CNTNAP2: variants seen among roughly 807,000 people sequenced by gnomAD.
CNTNAP2 encodes the protein contactin associated protein 2.
CNTNAP2 carries 98 observed loss-of-function variants against 155.2 expected under a neutral mutation model. That is an observed-to-expected ratio of 0.63 (90% CI 0.54 to 0.75). The LOEUF (loss-of-function observed/expected upper bound fraction) is 0.75, where lower values mean the gene tolerates loss of function less well. Among genes scored for constraint, CNTNAP2 ranks in the 30% least tolerant of loss-of-function variants. The pLI, the probability that CNTNAP2 is intolerant of heterozygous loss-of-function variation, is 0.00. For synonymous variants in CNTNAP2, 651 were observed against 631.2 expected (o/e 1.03, Z -0.47); for missense variants, 1,727 against 1,688.1 (o/e 1.02, Z -0.40).
Position 148,330,758 on chromosome 7 carries a change from G to A in CNTNAP2, c.3476-52891G>A, listed in dbSNP as rs375649069. ...GGATGGATGGATGGATGGAGTGGAC[G>A]GATGGAATGGACAGATGGAGTTGAT... On this transcript the variant is annotated intron_variant, in intron 21 of 23. Transcript: ENST00000361727. 1.0e-3 allele frequency among the ~76,000 whole-genome samples: 152 copies of A among 149,018 alleles called. 1 individual carries two copies. The East Asian group carries it at 0.013, about 13-fold the overall frequency.
intron 1 of CNTNAP2, among the ~76,000 whole-genome samples, chr7:146,670,901 A>G (rs920732690): frequency 4.6e-5 from 7 of 152,178 alleles, no homozygotes; most frequent in African/African-American, 1.4e-4. Flanking sequence ...TTCATGTACA[A>G]GAGTTTTGAG....
chr7:148,261,692 G>A (rs955574670), intron 20 of CNTNAP2, among the ~76,000 whole-genome samples: 7 of 152,168 alleles, frequency 4.6e-5, no homozygotes, highest in Non-Finnish European at 8.8e-5. Context: ...AGCAATGGCG[G>A]TGGGGGTGAG....
At chr7:146,199,736 G>T (rs563103730) in intron 1 of CNTNAP2, among the ~76,000 whole-genome samples, 1 of 152,218 alleles carries the variant, frequency 6.6e-6, no homozygotes, top group East Asian at 1.9e-4. Flanking sequence ...AGAGAGGGTA[G>T]AAGGAAAAAA....
intron 10 of CNTNAP2, among the ~76,000 whole-genome samples, chr7:147,466,472 G>A (rs1213722299): frequency 2.0e-5 from 3 of 152,172 alleles, no homozygotes; most frequent in Non-Finnish European, 4.4e-5. Context: ...CTTTGGGGAA[G>A]AGGGATTCTA....
intron 1 of CNTNAP2, among the ~76,000 whole-genome samples, chr7:146,579,204 A>T (rs547876523): frequency 1.1e-3 from 162 of 151,860 alleles, no homozygotes; most frequent in Admixed American, 5.0e-3. Flanking sequence ...TTCCCTCTCA[A>T]TTTTTTTTGT....
At chr7:146,856,227 A>G (rs1794979531) in intron 3 of CNTNAP2, among the ~76,000 whole-genome samples, 1 of 151,976 alleles carries the variant, frequency 6.6e-6, no homozygotes, top group South Asian at 2.1e-4. Context: ...GATGATAGGT[A>G]GGTAGGTAGA....
At chr7:147,034,756 C>T (rs1799114990) in intron 3 of CNTNAP2, among the ~76,000 whole-genome samples, 1 of 152,034 alleles carries the variant, frequency 6.6e-6, no homozygotes, top group Non-Finnish European at 1.5e-5. Context: ...CACCCAGCTG[C>T]CAGACTCTCC....
At chr7:146,324,340 T>G (rs115257207) in intron 1 of CNTNAP2, among the ~76,000 whole-genome samples, 5,197 of 151,718 alleles carry the variant, frequency 0.034, 156 homozygotes, top group African/African-American at 0.079. Context: ...GTAGGGAGAG[T>G]TATCATGGGG....
chr7:147,528,344 C>A (rs73461152), intron 11 of CNTNAP2, among the ~76,000 whole-genome samples: 1 of 152,078 alleles, frequency 6.6e-6, no homozygotes, highest in Admixed American at 6.5e-5. Flanking sequence ...ATTCTCTGTG[C>A]GAAGGCCACA....
rs1801285072 is a variant in CNTNAP2, at chr7:147,128,607, A to T, written c.940-86A>T. 6 of 1,473,504 alleles carry T rather than the reference A, an allele frequency of 4.1e-6. No homozygotes were observed. In the Admixed American group the frequency reaches 6.8e-5, roughly 17 times the overall value. 91.3% of individuals were successfully genotyped at this position (1,473,504 alleles called of 1,614,324 possible). A position where few individuals can be genotyped will look rare whatever the true frequency, so the allele number is the denominator to read the frequency against. On this transcript the variant is annotated intron_variant, in intron 6 of 23. Transcript: ENST00000361727. ...TTTGTATATTTTGGTTGAGGTATAG[A>T]TACTTGACCTTCACTGTATTCATAG...
At chr7:146,721,891 T>TATATATATATATATATATATA (rs1202931748) in intron 1 of CNTNAP2, among the ~76,000 whole-genome samples, 2 of 80,338 alleles carry the variant, frequency 2.5e-5, no homozygotes, top group Non-Finnish European at 3.9e-5. Flanking sequence ...ATATATATAT[T>TATATATATATATATATATATA]TTTTTTTTTT....
chr7:147,653,640 G>A (rs770507888), intron 13 of CNTNAP2, among the ~76,000 whole-genome samples: 5 of 152,174 alleles, frequency 3.3e-5, no homozygotes, highest in African/African-American at 4.8e-5. Flanking sequence ...CAGAAAGGAG[G>A]GCACTGGGTG....
chr7:147,315,545 G>T (rs1433285415), intron 9 of CNTNAP2, among the ~76,000 whole-genome samples: 2 of 143,984 alleles, frequency 1.4e-5, no homozygotes, highest in Non-Finnish European at 3.0e-5. Context: ...GCAGTGGCAT[G>T]ATCTCGGCTC....
intron 13 of CNTNAP2, among the ~76,000 whole-genome samples, chr7:147,702,457 G>A (rs1181763899): frequency 6.6e-6 from 1 of 151,804 alleles, no homozygotes; most frequent in African/African-American, 2.4e-5. Context: ...TGTAATGTAA[G>A]ATATGGTCCC....
At chr7:148,066,551 G>A (rs1212286417) in intron 15 of CNTNAP2, among the ~76,000 whole-genome samples, 1 of 151,776 alleles carries the variant, frequency 6.6e-6, no homozygotes, top group Non-Finnish European at 1.5e-5. Flanking sequence ...AGGCCGGAGT[G>A]CAGTGGTGCT....
intron 10 of CNTNAP2, among the ~76,000 whole-genome samples, chr7:147,469,533 C>CTT (rs1230984606): frequency 1.8e-5 from 1 of 57,052 alleles, no homozygotes; most frequent in Non-Finnish European, 3.5e-5. Context: ...TTTTTTTTTT[C>CTT]TGTGAGACAA....
intron 21 of CNTNAP2, among the ~76,000 whole-genome samples, chr7:148,307,970 C>T (rs907670240): frequency 5.9e-5 from 9 of 151,956 alleles, no homozygotes; most frequent in Middle Eastern, 3.2e-3. Context: ...GAGACCCTGT[C>T]TCAAAAAAAA....
intron 4 of CNTNAP2, among the ~76,000 whole-genome samples, chr7:147,063,682 A>G (rs1799725875): frequency 6.6e-6 from 1 of 152,156 alleles, no homozygotes; most frequent in African/African-American, 2.4e-5. Flanking sequence ...AAAGTCCAGC[A>G]AAATGACTTA....
intron 1 of CNTNAP2, among the ~76,000 whole-genome samples, chr7:146,135,581 A>G (rs1797785763): frequency 2.6e-5 from 4 of 152,096 alleles, no homozygotes; most frequent in Admixed American, 2.0e-4. Context: ...TTTAAATAAT[A>G]TTATACATAT....
Sources: gnomAD v4.1 joint callset for allele counts (sites outside exome capture counted in the v4.1 genomes callset) on GRCh38, gnomAD v4.1.1 for gene constraint, MANE v1.5 for transcripts, NCBI Gene and HGNC (gene_info 2026-07-23, HGNC 2026-07-21) for gene names.